PLA2G7: variants seen among roughly 807,000 people sequenced by gnomAD.
The protein encoded by PLA2G7 is platelet-activating factor acetylhydrolase.
A neutral mutation model predicts 49.6 loss-of-function variants in PLA2G7; 63 were observed. The observed-to-expected ratio is 1.27, with a 90% confidence interval of 1.04 to 1.57. The LOEUF (loss-of-function observed/expected upper bound fraction) is 1.57. Among genes scored for constraint, PLA2G7 ranks in the 40% most tolerant of loss-of-function variants. PLA2G7 has a pLI of 0.00. For synonymous variants in PLA2G7, 193 were observed against 169.9 expected (o/e 1.14, Z -1.06); for missense variants, 596 against 521.2 (o/e 1.14, Z -1.40).
chr6:46,728,201 G>T (rs548720274), intron 1 of PLA2G7, among the ~76,000 whole-genome samples: 10 of 152,318 alleles, frequency 6.6e-5, no homozygotes, highest in East Asian at 3.9e-4. Flanking sequence ...GAAGGCTGGA[G>T]AATGCAGCTA....
rs553873530 is a variant in PLA2G7 at position 46,709,806 on chromosome 6, T to C, written c.778-388A>G. ...GGTACTGCAGTCTCATTTCAGTGAG[T>C]TTGCAGTCCATCAGGGAAGAAAGTT... On this transcript the variant is annotated intron_variant, in intron 8 of 11. Coordinates refer to ENST00000274793, the MANE Select transcript of PLA2G7 (RefSeq NM_005084.4). 1.9e-4 allele frequency among the ~76,000 whole-genome samples: 29 copies of C among 152,212 alleles called. No individual in the cohort carries two copies. The South Asian group carries it at 2.5e-3, about 13-fold the overall frequency.
chr6:46,704,478 T>TCTCTCTCACACACA lies in PLA2G7; in HGVS notation c.*81_*82insTGTGTGTGAGAGAG. 2.3e-5 allele frequency: 2 copies of TCTCTCTCACACACA among 87,192 alleles called. No homozygotes were observed. The highest frequency in any genetic ancestry group is 4.5e-5 in the Non-Finnish European group (2 of 44,258). The allele number at this position is 87,192 out of a possible 1,614,324, so 5.4% of individuals were successfully genotyped here. A position where few individuals can be genotyped will look rare whatever the true frequency, so the allele number is the denominator to read the frequency against. ...CTCTCTCTCTCTCTCTCTCTCTCTC[T>TCTCTCTCACACACA]CACACACACACACACACACACACAC... On this transcript the variant is annotated 3_prime_UTR_variant, in exon 12 of 12. Coordinates refer to ENST00000274793, the MANE Select transcript of PLA2G7 (RefSeq NM_005084.4).
rs45438493 is a variant in PLA2G7 at position 46,713,789 on chromosome 6, G to T, written c.470+671C>A. Among the ~76,000 whole-genome samples, 524 of 152,284 alleles carry T rather than the reference G, an allele frequency of 3.4e-3. 2 individuals are homozygous for T. The highest frequency in any genetic ancestry group is 0.012 in the African/African-American group (498 of 41,556). On this transcript the variant is annotated intron_variant, in intron 5 of 11. Transcript: ENST00000274793. ...CATAGCTTACTAAAGACCCTATCCA[G>T]CTCCTGCCCCTCTGTATCCATCACC...
At chr6:46,731,902 A>G (rs1765746022) in intron 1 of PLA2G7, among the ~76,000 whole-genome samples, 1 of 152,062 alleles carries the variant, frequency 6.6e-6, no homozygotes, top group Non-Finnish European at 1.5e-5. Flanking sequence ...ACGCCCATCT[A>G]CTGCTACCAC....
intron 3 of PLA2G7, 124 bp from the exon 4 acceptor site, chr6:46,716,652 A>T (rs2150701330): frequency 1.1e-6 from 1 of 912,562 alleles, no homozygotes; most frequent in East Asian, 2.6e-5. Context: ...GGTCTAAAGA[A>T]CTTTTTAGGC....
At chr6:46,705,068 TTAAA>T in intron 11 of PLA2G7, 81 bp downstream of exon 11, 1 of 1,005,406 alleles carries the variant, frequency 9.9e-7, no homozygotes, top group Non-Finnish European at 1.6e-6. Flanking sequence ...TGGAAATAGT[TTAAA>T]TAGTACTAAA....
intron 1 of PLA2G7, among the ~76,000 whole-genome samples, chr6:46,726,414 G>T (rs546403415): frequency 6.6e-6 from 1 of 152,152 alleles, no homozygotes; most frequent in Non-Finnish European, 1.5e-5. Context: ...AACTTTTAAA[G>T]TTCTCTTTAC....
rs151326220 is a variant in PLA2G7 at position 46,704,402 on chromosome 6, C to T, written c.*158G>A. On this transcript the variant is annotated 3_prime_UTR_variant, in exon 12 of 12. Transcript: ENST00000274793. The stretch of plus-strand genomic sequence containing the variant: ...TCAATCACGATTACAGTATAGCCTA[C>T]ATTTTAAAATATGAGTCCTTTGGGA... The T allele has an allele frequency of 6.2e-6, 4 of 646,926 alleles. No homozygotes were observed. In the Admixed American group the frequency reaches 9.3e-5, roughly 15 times the overall value. The allele number at this position is 646,926 out of a possible 1,614,324, so 40.1% of individuals were successfully genotyped here. A position where few individuals can be genotyped will look rare whatever the true frequency, so the allele number is the denominator to read the frequency against.
intron 1 of PLA2G7, among the ~76,000 whole-genome samples, chr6:46,723,355 A>G (rs1196091094): frequency 4.6e-5 from 7 of 152,172 alleles, no homozygotes; most frequent in Non-Finnish European, 1.5e-5. Context: ...TATAGTGACT[A>G]TATTTCTGCT....
intron 6 of PLA2G7, 141 bp from the exon 7 acceptor site, chr6:46,711,760 T>C: frequency 1.1e-6 from 1 of 894,730 alleles, no homozygotes; most frequent in Non-Finnish European, 1.8e-6. Flanking sequence ...TTCTCTTAAA[T>C]TAAAGAAGAC....
chr6:46,712,204 C>A, intron 6 of PLA2G7, 65 bp downstream of exon 6: 1 of 1,003,926 alleles, frequency 1.0e-6, no homozygotes. Flanking sequence ...AAATTAGAAA[C>A]ATAGTTATGA....
At chr6:46,705,678 C>T (rs1764796347) in intron 10 of PLA2G7, among the ~76,000 whole-genome samples, 1 of 152,210 alleles carries the variant, frequency 6.6e-6, no homozygotes. Context: ...CACCACTGAA[C>T]GTGGTATGTA....
At chr6:46,705,335 GT>G in intron 10 of PLA2G7, 34 bp from the exon 11 acceptor site, 1 of 1,580,468 alleles carries the variant, frequency 6.3e-7, no homozygotes, top group Non-Finnish European at 8.7e-7. Context: ...AAGTCACATT[GT>G]TTGATAAAAT....
At chr6:46,710,422 C>T in intron 8 of PLA2G7, 123 bp downstream of exon 8, 1 of 703,866 alleles carries the variant, frequency 1.4e-6, no homozygotes, top group African/African-American at 1.8e-5. Context: ...TGTGTGTGCG[C>T]ATTGGGGAGG....
intron 1 of PLA2G7, among the ~76,000 whole-genome samples, chr6:46,726,962 T>G (rs1765592165): frequency 6.6e-6 from 1 of 152,124 alleles, no homozygotes; most frequent in Non-Finnish European, 1.5e-5. Context: ...ATGTTCACTT[T>G]AAAAATCAAT....
intron 5 of PLA2G7, among the ~76,000 whole-genome samples, chr6:46,714,224 G>C (rs1478844806): frequency 1.3e-5 from 2 of 152,122 alleles, no homozygotes; most frequent in African/African-American, 4.8e-5. Flanking sequence ...TATAGAAAAT[G>C]CAACACCCTT....
chr6:46,728,397 G>A (rs1765633839), intron 1 of PLA2G7, among the ~76,000 whole-genome samples: 1 of 152,142 alleles, frequency 6.6e-6, no homozygotes, highest in Admixed American at 6.5e-5. Flanking sequence ...ACAACATAGA[G>A]GAATCTCAAA....
Position 46,733,566 on chromosome 6 carries a change from A to G in PLA2G7, c.-35+1614T>C, listed in dbSNP as rs181686507. Among the ~76,000 whole-genome samples, 5 of 152,334 alleles carry G rather than the reference A, an allele frequency of 3.3e-5. No individual in the cohort carries two copies. In the East Asian group the frequency reaches 9.6e-4, roughly 29 times the overall value. ...CAGCAGCAGCTTCTGGTGCACAAAT[A>G]TCTGGGGAGGGGAAAGCACTTTCAG... On this transcript the variant is annotated intron_variant, in intron 1 of 11. Transcript: ENST00000274793.
intron 8 of PLA2G7, among the ~76,000 whole-genome samples, chr6:46,710,112 G>A (rs980544455): frequency 6.6e-6 from 1 of 152,110 alleles, no homozygotes; most frequent in Admixed American, 6.6e-5. Context: ...TTATTCTCTA[G>A]TTCCCCCTAA....
Sources: allele counts gnomAD v4.1 joint callset (sites outside exome capture counted in the v4.1 genomes callset), GRCh38; gene constraint gnomAD v4.1.1; transcripts MANE v1.5; gene names NCBI Gene and HGNC (gene_info 2026-07-23, HGNC 2026-07-21).